Variants in USH2A observed in about 807,000 individuals in gnomAD.
USH2A encodes the protein usherin.
A neutral mutation model predicts 538.9 loss-of-function variants in USH2A; 443 were observed. The observed-to-expected ratio is 0.82, with a 90% CI of 0.76 to 0.89. USH2A has a LOEUF of 0.89. Among genes scored for constraint, USH2A ranks in the 40% least tolerant of loss-of-function variants. USH2A has a pLI of 0.00. For missense variants in USH2A, 6,633 were observed against 6,324.8 expected, an observed-to-expected ratio of 1.05 and a Z score of -1.65; for synonymous variants, 2,413 against 2,273.5, an observed-to-expected ratio of 1.06 and a Z score of -1.75.
At position 215,680,333 on chromosome 1, in the gene USH2A, G is replaced by A; in HGVS notation, c.12110C>T (p.Thr4037Ile). 1 of 1,614,002 alleles carries A rather than the reference G, an allele frequency of 6.2e-7. No individual in the cohort carries two copies. The highest frequency in any genetic ancestry group is 1.1e-5 in the South Asian group (1 of 91,078). ...AGCCACAACACCAATGCGATATGTT[G>A]TGAATGGTTCTAACCCGTACAGGTG... ...QAHLYGLEPF[T>I]TYRIGVVAAN... Residue 4037 changes from threonine (T) to isoleucine (I), a missense_variant, in exon 62 of 72, where the codon ACA (threonine) becomes ATA (isoleucine). By Grantham distance (89) the Thr-to-Ile change is moderately conservative. Transcript: ENST00000307340.
chr1:215,656,304 T>G (rs993081530), intron 64 of USH2A, among the ~76,000 whole-genome samples: 7 of 152,208 alleles, frequency 4.6e-5, no homozygotes, highest in African/African-American at 1.7e-4. Context: ...GCATTTTTCC[T>G]TTATGGTATC....
intron 35 of USH2A, among the ~76,000 whole-genome samples, chr1:215,991,690 A>G (rs1391873876): frequency 6.6e-6 from 1 of 152,188 alleles, no homozygotes; most frequent in Non-Finnish European, 1.5e-5. Context: ...TACACAAAAC[A>G]TTCAAAGAGC....
At chr1:215,912,271 C>T (rs1665803425) in intron 38 of USH2A, among the ~76,000 whole-genome samples, 1 of 151,780 alleles carries the variant, frequency 6.6e-6, no homozygotes. Flanking sequence ...GAAATCTTTG[C>T]CCAGACCTAT....
At chr1:216,170,810 T>C (rs939459985) in intron 21 of USH2A, among the ~76,000 whole-genome samples, 1 of 152,054 alleles carries the variant, frequency 6.6e-6, no homozygotes, top group Admixed American at 6.6e-5. Context: ...TACTCTGCAT[T>C]CCTGAAAAAA....
intron 13 of USH2A, among the ~76,000 whole-genome samples, chr1:216,240,466 A>C (rs2035916343): frequency 6.6e-6 from 1 of 151,866 alleles, no homozygotes; most frequent in East Asian, 1.9e-4. Flanking sequence ...ACTGATAGGC[A>C]AAAGGGTCCA....
intron 32 of USH2A, among the ~76,000 whole-genome samples, chr1:216,012,784 T>G (rs1668607912): frequency 6.6e-6 from 1 of 152,232 alleles, no homozygotes; most frequent in African/African-American, 2.4e-5. Context: ...GTCCTCGGAA[T>G]GCTACAAAGT....
intron 33 of USH2A, 54 bp from the exon 34 acceptor site, chr1:215,999,112 A>T (rs11804374): frequency 1.4e-6 from 2 of 1,469,902 alleles, no homozygotes; most frequent in African/African-American, 2.8e-5. Context: ...ACTAAAATAT[A>T]CAGGATTTTC....
intron 55 of USH2A, among the ~76,000 whole-genome samples, chr1:215,779,101 A>G (rs897740384): frequency 2.0e-5 from 3 of 152,174 alleles, no homozygotes; most frequent in Non-Finnish European, 2.9e-5. Flanking sequence ...ATAAAAAGAC[A>G]AAAAACAAAC....
At chr1:216,358,908 A>G (rs1471004263) in intron 4 of USH2A, among the ~76,000 whole-genome samples, 2 of 152,168 alleles carry the variant, frequency 1.3e-5, no homozygotes, top group Non-Finnish European at 2.9e-5. Flanking sequence ...GTAGAATAGA[A>G]GCAAGCCATT....
intron 61 of USH2A, among the ~76,000 whole-genome samples, chr1:215,694,163 C>T (rs750202213): frequency 2.6e-5 from 4 of 152,186 alleles, no homozygotes; most frequent in African/African-American, 7.2e-5. Context: ...GCCCAAATGA[C>T]CTGTACAAGA....
At chr1:216,064,471 C>T (rs1044365848) in intron 30 of USH2A, among the ~76,000 whole-genome samples, 1 of 151,416 alleles carries the variant, frequency 6.6e-6, no homozygotes, top group Admixed American at 6.6e-5. Flanking sequence ...GTGAAAATTC[C>T]ATGCAGAGAG....
At chr1:216,191,025 A>G (rs2034705901) in intron 19 of USH2A, among the ~76,000 whole-genome samples, 1 of 152,072 alleles carries the variant, frequency 6.6e-6, no homozygotes, top group Non-Finnish European at 1.5e-5. Context: ...AGCAAAGAAG[A>G]CTGACAGGAA....
chr1:216,338,091 G>A lies in USH2A; in HGVS notation c.785-10437C>T, dbSNP rs537328617. Among the ~76,000 whole-genome samples, 3 of 151,332 alleles carry A rather than the reference G, an allele frequency of 2.0e-5. No individual in the cohort carries two copies. The South Asian group carries it at 6.3e-4, about 32-fold the overall frequency. On this transcript the variant is annotated intron_variant, in intron 4 of 71. Transcript: ENST00000307340. ...GCATAACAATATAAATTATCCCTAA[G>A]CTGTTGTATAAATTTAATTCAATTC...
At chr1:215,711,815 A>C (rs574041848) in intron 61 of USH2A, among the ~76,000 whole-genome samples, 1 of 152,318 alleles carries the variant, frequency 6.6e-6, no homozygotes, top group South Asian at 2.1e-4. Flanking sequence ...CTATTTCACA[A>C]GATTTAAAAT....
intron 3 of USH2A, among the ~76,000 whole-genome samples, chr1:216,400,789 T>C (rs1376855273): frequency 6.6e-6 from 1 of 152,144 alleles, no homozygotes; most frequent in Non-Finnish European, 1.5e-5. Flanking sequence ...ACAACATTTA[T>C]CAAGTAATGA....
chr1:216,299,002 G>C (rs147053446), intron 9 of USH2A, among the ~76,000 whole-genome samples: 71 of 152,046 alleles, frequency 4.7e-4, no homozygotes, highest in African/African-American at 1.7e-3. Flanking sequence ...CACCACGCCC[G>C]GCTAATTTGT....
chr1:215,879,075 G>T lies in USH2A; in HGVS notation c.8247C>A (p.Ile2749=), dbSNP rs1422141612. 6.2e-7 allele frequency: 1 copy of T among 1,613,902 alleles called. No homozygotes were observed. The highest frequency in any genetic ancestry group is 8.5e-7 in the Non-Finnish European group (1 of 1,179,896). ...AVQVTWKPPL[I]QNGDILSYEI... is the part of the protein sequence containing the mutation. ...CATAGCTAAGTATGTCTCCGTTCTGGATGAGTGGGGGTTTCCAAGTGACCT... is the reference window on the plus strand; with the variant it reads ...CATAGCTAAGTATGTCTCCGTTCTGTATGAGTGGGGGTTTCCAAGTGACCT... The change falls in exon 42 of 72, where the codon ATC becomes ATA. Residue 2749 remains isoleucine, a synonymous_variant. Transcript: ENST00000307340.
At chr1:216,306,675 T>G (rs2037322806) in intron 9 of USH2A, among the ~76,000 whole-genome samples, 1 of 152,216 alleles carries the variant, frequency 6.6e-6, no homozygotes, top group Non-Finnish European at 1.5e-5. Context: ...GTGCTGTTGT[T>G]CAGATTCTTT....
chr1:216,217,631 C>T lies in USH2A; in HGVS notation c.2994-81G>A, dbSNP rs1438005664. On this transcript the variant is annotated intron_variant, in intron 14 of 71. Coordinates refer to ENST00000307340, the MANE Select transcript of USH2A (RefSeq NM_206933.4). ...TAGTATAAGTTACACCTACCAATAG[C>T]ATTGTAGAGTAAGACGGCTTGTTTT... is the stretch of plus-strand genomic sequence containing the variant. 2.6e-6 allele frequency: 4 copies of T among 1,516,172 alleles called. No homozygotes were observed. The East Asian group carries it at 9.6e-5, about 36-fold the overall frequency. The allele number at this position is 1,516,172 out of a possible 1,614,324, so 93.9% of individuals were successfully genotyped here. A position where few individuals can be genotyped will look rare whatever the true frequency, so the allele number is the denominator to read the frequency against.
Sources: gnomAD v4.1 joint callset for allele counts (sites outside exome capture counted in the v4.1 genomes callset) on GRCh38, gnomAD v4.1.1 for gene constraint, MANE v1.5 for transcripts, NCBI Gene and HGNC (gene_info 2026-07-23, HGNC 2026-07-21) for gene names.